Variants in RPRD2 observed in about 807,000 individuals in gnomAD.
RPRD2 encodes regulation of nuclear pre-mRNA domain containing 2.
A neutral mutation model predicts 104.4 loss-of-function variants in RPRD2; 12 were observed. The observed-to-expected ratio is 0.11, with a 90% confidence interval of 0.07 to 0.19. The LOEUF (loss-of-function observed/expected upper bound fraction) is 0.19. RPRD2 is among the 10% of genes least tolerant of loss of function. RPRD2 has a pLI of 1.00. For missense variants in RPRD2, 1,543 were observed against 1,790.1 expected, an observed-to-expected ratio of 0.86 and a Z score of 2.49; for synonymous variants, 714 against 684.9, an observed-to-expected ratio of 1.04 and a Z score of -0.66.
intron 1 of RPRD2, among the ~76,000 whole-genome samples, chr1:150,405,816 G>T (rs1283620662): frequency 2.0e-5 from 3 of 152,144 alleles, no homozygotes; most frequent in Non-Finnish European, 4.4e-5. Flanking sequence ...TCCTCTCTTT[G>T]TCCTTTGTAT....
In RPRD2 at chr1:150,471,474, A is replaced by G; in HGVS notation, c.2526A>G (p.Pro842=). The G allele has an allele frequency of 6.2e-7, 1 of 1,613,812 alleles. No homozygotes were observed. The highest frequency in any genetic ancestry group is 8.5e-7 in the Non-Finnish European group (1 of 1,179,838). ...DYRDFEYSGP[P]PSAMMNLEKK... ...GAGATTTTGAGTATTCAGGGCCTCC[A>G]CCCTCTGCCATGATGAACCTAGAGA... Residue 842 remains proline, a synonymous_variant, in exon 11 of 11, where the codon CCA becomes CCG. Transcript: ENST00000369068. The surrounding 1 kb of genome is among the most constrained non-coding windows in gnomAD (Gnocchi z 5.3).
At chr1:150,457,069 C>T (rs1195862280) in intron 7 of RPRD2, among the ~76,000 whole-genome samples, 1 of 152,006 alleles carries the variant, frequency 6.6e-6, no homozygotes, top group Admixed American at 6.6e-5. Context: ...ATTAAAAATA[C>T]AAAAATTAGC....
intron 2 of RPRD2, among the ~76,000 whole-genome samples, chr1:150,436,130 GAA>G (rs587754906): frequency 1.5e-5 from 2 of 129,636 alleles, no homozygotes. Context: ...CTTGTTCAGG[GAA>G]AAAAAAAAAA....
rs782282315 is a variant in RPRD2, at chr1:150,455,509, AAAAG to A, written c.871-1770_871-1767del. Among the ~76,000 whole-genome samples, 36 of 152,204 alleles carry A rather than the reference AAAAG, an allele frequency of 2.4e-4. 1 individual carries two copies. The highest frequency in any genetic ancestry group is 6.8e-3 in the Middle Eastern group (2 of 294). On this transcript the variant is annotated intron_variant, in intron 7 of 10. Coordinates refer to ENST00000369068, the MANE Select transcript of RPRD2 (RefSeq NM_015203.5). ...ACAGCGAGACTCCATCTCAAAAAAA[AAAAG>A]AAAGAAAGTCCAGCAAAGTGTCACA...
chr1:150,388,133 G>T (rs782299455), intron 1 of RPRD2, among the ~76,000 whole-genome samples: 1 of 151,370 alleles, frequency 6.6e-6, no homozygotes, highest in Non-Finnish European at 1.5e-5. Context: ...GCCTAGGCTG[G>T]TCTTAAACTC....
At chr1:150,393,050 A>G (rs1450427354) in intron 1 of RPRD2, among the ~76,000 whole-genome samples, 1 of 152,164 alleles carries the variant, frequency 6.6e-6, no homozygotes, top group Non-Finnish European at 1.5e-5. Flanking sequence ...TTTTTTAAAA[A>G]TGTGGCTATA....
chr1:150,445,344 A>G (rs1243121662), intron 6 of RPRD2, among the ~76,000 whole-genome samples: 1 of 152,206 alleles, frequency 6.6e-6, no homozygotes, highest in Non-Finnish European at 1.5e-5. Context: ...GGCAAAGCCA[A>G]ACTTTATACT....
intron 1 of RPRD2, among the ~76,000 whole-genome samples, chr1:150,371,457 G>A (rs1660290800): frequency 1.3e-5 from 2 of 152,140 alleles, no homozygotes; most frequent in East Asian, 1.9e-4. Context: ...TCCGCCTCCC[G>A]TGTTCACTCC....
chr1:150,425,265 C>T (rs1297880893), intron 2 of RPRD2, among the ~76,000 whole-genome samples: 1 of 152,222 alleles, frequency 6.6e-6, no homozygotes, highest in Non-Finnish European at 1.5e-5. Flanking sequence ...GTGCCTACTA[C>T]TGCCATTATT....
chr1:150,407,804 T>A (rs1442072472), intron 1 of RPRD2, among the ~76,000 whole-genome samples: 1 of 152,226 alleles, frequency 6.6e-6, no homozygotes, highest in African/African-American at 2.4e-5. Context: ...ACACTGCCAT[T>A]ATTTGTACTG....
At chr1:150,458,961 A>C (rs1667734096) in intron 8 of RPRD2, among the ~76,000 whole-genome samples, 2 of 152,098 alleles carry the variant, frequency 1.3e-5, no homozygotes, top group African/African-American at 4.8e-5. Context: ...TTTTTTGTTA[A>C]TTTGGCTGCT....
In RPRD2 at chr1:150,436,989, A is replaced by G. The variant is rs587716140; in HGVS notation, c.336-3934A>G. ...GGAAGTCCGAGATGGGAAGATCTCT[A>G]GAGCTCAGGAGTTTGAGATCAGCCT... On this transcript the variant is annotated intron_variant, in intron 2 of 10. Coordinates refer to ENST00000369068, the MANE Select transcript of RPRD2 (RefSeq NM_015203.5). 1.1e-4 allele frequency among the ~76,000 whole-genome samples: 17 copies of G among 152,320 alleles called. No individual in the cohort carries two copies. The East Asian group carries it at 2.9e-3, about 26-fold the overall frequency.
chr1:150,417,420 C>A (rs1241324258), intron 1 of RPRD2, among the ~76,000 whole-genome samples, 176 bp from the exon 2 acceptor site: 1 of 151,916 alleles, frequency 6.6e-6, no homozygotes, highest in Admixed American at 6.6e-5. Flanking sequence ...GTTCATTTGT[C>A]GGTTTATCCA....
intron 7 of RPRD2, among the ~76,000 whole-genome samples, chr1:150,455,226 G>A (rs1437879988): frequency 2.6e-5 from 4 of 152,156 alleles, no homozygotes; most frequent in Admixed American, 6.5e-5. Context: ...AGTCCAGGCC[G>A]GGCGCGATGG....
chr1:150,461,624 C>T (rs1334575704), intron 9 of RPRD2, among the ~76,000 whole-genome samples: 1 of 151,640 alleles, frequency 6.6e-6, no homozygotes, highest in Non-Finnish European at 1.5e-5. Context: ...AGGTTGATCA[C>T]TTGAGGCCAG....
intron 10 of RPRD2, among the ~76,000 whole-genome samples, chr1:150,469,222 G>A (rs753424689): frequency 6.6e-6 from 1 of 152,110 alleles, no homozygotes; most frequent in Non-Finnish European, 1.5e-5. Flanking sequence ...CAATGTTAGT[G>A]TATTCAGTGA....
chr1:150,472,750 C>G lies in RPRD2; in HGVS notation c.3802C>G (p.Pro1268Ala). Reference sequence around the variant, plus strand: ...TGGAGAGCACAGTGGAATTCCTTTCCCTACCCCACCTCCTCCTCCCCCTCC... The same window carrying G: ...TGGAGAGCACAGTGGAATTCCTTTCGCTACCCCACCTCCTCCTCCCCCTCC... Reference protein sequence around the residue: ...PPGEHSGIPFPTPPPPPPPGE... With the variant: ...PPGEHSGIPFATPPPPPPPGE... The change falls in exon 11 of 11, where the codon CCT becomes GCT. Residue 1268 changes from proline (P) to alanine (A), a missense_variant. Pro to Ala is a conservative substitution (Grantham distance 27). Around this residue, in one of 4 missense-constraint regions of RPRD2, gnomAD observed 880 missense variants for 885.6 expected, o/e 0.99. Transcript: ENST00000369068. 6.2e-7 allele frequency: 1 copy of G among 1,612,772 alleles called. No individual in the cohort carries two copies. The highest frequency in any genetic ancestry group is 8.5e-7 in the Non-Finnish European group (1 of 1,178,896).
chr1:150,464,380 G>A, intron 9 of RPRD2, 147 bp from the exon 10 acceptor site: 1 of 118,392 alleles, frequency 8.4e-6, no homozygotes, highest in South Asian at 1.4e-4. Context: ...TTTTTTTTTT[G>A]TACATGTCAT....
At chr1:150,388,799 G>A (rs1282253066) in intron 1 of RPRD2, among the ~76,000 whole-genome samples, 3 of 151,856 alleles carry the variant, frequency 2.0e-5, no homozygotes, top group African/African-American at 7.3e-5. Context: ...TAGAGGCGGG[G>A]TTTCACCATA....
Sources: allele counts gnomAD v4.1 joint callset (sites outside exome capture counted in the v4.1 genomes callset), GRCh38; gene constraint gnomAD v4.1.1; regional missense constraint gnomAD v4.1.1; non-coding constraint Gnocchi (gnomAD v3.1); transcripts MANE v1.5; gene names NCBI Gene and HGNC (gene_info 2026-07-23, HGNC 2026-07-21).